The following YEATS2 variants were observed in gnomAD, a reference collection of about 807,000 sequenced individuals.
YEATS2 encodes YEATS domain-containing protein 2.
A neutral mutation model predicts 163.2 loss-of-function variants in YEATS2; 77 were observed. The observed-to-expected ratio is 0.47, with a 90% CI of 0.39 to 0.57. The LOEUF is 0.57. Ranked by LOEUF, YEATS2 falls within the 20% of genes least tolerant of loss-of-function variation. YEATS2 has a pLI of 0.00. For missense variants in YEATS2, 1,549 were observed against 1,729.8 expected (o/e 0.90, Z 1.85); for synonymous variants, 631 against 645.1 (o/e 0.98, Z 0.33).
At chr3:183,789,481 A>T (rs1263571439) in intron 20 of YEATS2, among the ~76,000 whole-genome samples, 1 of 133,962 alleles carries the variant, frequency 7.5e-6, no homozygotes, top group East Asian at 2.3e-4. Context: ...TCTAAGTTTT[A>T]TACATTTAGC....
intron 4 of YEATS2, among the ~76,000 whole-genome samples, chr3:183,719,996 TG>T (rs1716328728): frequency 6.6e-6 from 1 of 152,250 alleles, no homozygotes; most frequent in Non-Finnish European, 1.5e-5. Context: ...TTTTTCATCC[TG>T]TTTTCTTGTA....
chr3:183,797,725 A>G (rs927482399), intron 21 of YEATS2, among the ~76,000 whole-genome samples, 198 bp from the exon 22 acceptor site: 4 of 152,170 alleles, frequency 2.6e-5, no homozygotes, highest in African/African-American at 7.2e-5. Context: ...CAAAAAGTAA[A>G]TAAACAATTA....
At chr3:183,791,752 T>C (rs1441853192) in intron 21 of YEATS2, among the ~76,000 whole-genome samples, 1 of 152,248 alleles carries the variant, frequency 6.6e-6, no homozygotes, top group Non-Finnish European at 1.5e-5. Context: ...GTTATTATCT[T>C]GGCTAGTGTT....
intron 7 of YEATS2, among the ~76,000 whole-genome samples, chr3:183,730,052 G>GTTTGTTTTTTTTTTTTTT (rs1560244258): frequency 1.2e-4 from 5 of 41,720 alleles, no homozygotes; most frequent in African/African-American, 1.6e-4. Flanking sequence ...TTTTTTGTTT[G>GTTTGTTTTTTTTTTTTTT]TTTTTTTTTT....
intron 20 of YEATS2, 57 bp from the exon 21 acceptor site, chr3:183,790,740 A>G: frequency 6.3e-7 from 1 of 1,577,570 alleles, no homozygotes; most frequent in South Asian, 1.1e-5. Flanking sequence ...CACCGCCGTC[A>G]GTCATCACTC....
chr3:183,726,837 T>TGTTGCCCAGGTTG (rs1252398480), intron 6 of YEATS2, among the ~76,000 whole-genome samples: 3 of 152,216 alleles, frequency 2.0e-5, no homozygotes, highest in Non-Finnish European at 2.9e-5. Context: ...GTTTTACTCT[T>TGTTGCCCAGGTTG]GTTGCCCAGG....
In YEATS2 at chr3:183,809,738, A is replaced by C. The variant is rs1577239980; in HGVS notation, c.4160+568A>C. Among the ~76,000 whole-genome samples, 3 of 152,314 alleles carry C rather than the reference A, an allele frequency of 2.0e-5. No individual in the cohort carries two copies. The South Asian group carries it at 6.2e-4, about 32-fold the overall frequency. ...TTTCAGTCTGTTCCTAGGCCCTGAA[A>C]GGATGGTAGATAGGCCACATCTGCT... is the stretch of plus-strand genomic sequence containing the variant. On this transcript the variant is annotated intron_variant, in intron 30 of 30. Coordinates refer to ENST00000305135, the MANE Select transcript of YEATS2 (RefSeq NM_018023.5).
intron 1 of YEATS2, among the ~76,000 whole-genome samples, chr3:183,701,421 C>T (rs1194521547): frequency 6.6e-6 from 1 of 151,954 alleles, no homozygotes; most frequent in African/African-American, 2.4e-5. Flanking sequence ...GGGTCTGTCT[C>T]TGTCGCCCAG....
chr3:183,763,810 A>G (rs1293182211), intron 15 of YEATS2, among the ~76,000 whole-genome samples: 2 of 152,054 alleles, frequency 1.3e-5, no homozygotes. Context: ...CACACCTGTG[A>G]GCCACCTAAC....
intron 19 of YEATS2, among the ~76,000 whole-genome samples, chr3:183,779,432 C>T (rs1363971397): frequency 1.3e-5 from 2 of 152,216 alleles, no homozygotes; most frequent in African/African-American, 4.8e-5. Context: ...GCTTGTGTTG[C>T]AGCAGTGCAC....
At chr3:183,741,843 C>T (rs1719005010) in intron 8 of YEATS2, among the ~76,000 whole-genome samples, 1 of 152,090 alleles carries the variant, frequency 6.6e-6, no homozygotes, top group Non-Finnish European at 1.5e-5. Context: ...TTCATGCCTG[C>T]TAACACAATA....
At position 183,752,867 on chromosome 3, in the gene YEATS2, G is replaced by A. The variant is rs13325577; in HGVS notation, c.1150+614G>A. Among the ~76,000 whole-genome samples, 4 of 150,950 alleles carry A rather than the reference G, an allele frequency of 2.6e-5. No individual in the cohort carries two copies. In the South Asian group the frequency reaches 6.3e-4, roughly 24 times the overall value. On this transcript the variant is annotated intron_variant, in intron 10 of 30. Transcript: ENST00000305135. The stretch of plus-strand genomic sequence containing the variant: ...GGCTGGAGTGCAGTGGCATGATCTC[G>A]CCTCACTGCAACCTCCACCTCCTGG...
chr3:183,735,017 T>C (rs192887062), intron 7 of YEATS2, among the ~76,000 whole-genome samples: 75 of 152,318 alleles, frequency 4.9e-4, no homozygotes, highest in African/African-American at 8.2e-4. Flanking sequence ...TCTAAAAATA[T>C]GGTTATGGAG....
chr3:183,809,490 A>G (rs957417754), intron 30 of YEATS2: 2 of 209,568 alleles, frequency 9.5e-6, no homozygotes, highest in Non-Finnish European at 1.9e-5. Context: ...CATGTCAGAC[A>G]CGAGGGCCAA....
intron 28 of YEATS2, 68 bp from the exon 29 acceptor site, chr3:183,807,962 T>G: frequency 7.5e-7 from 1 of 1,336,270 alleles, no homozygotes; most frequent in South Asian, 1.3e-5. Flanking sequence ...CAGGGAGGTA[T>G]GCTTGTTTGG....
rs551397339 is a variant in YEATS2 at position 183,728,120 on chromosome 3, A to G, written c.651-570A>G. 2.6e-4 allele frequency among the ~76,000 whole-genome samples: 39 copies of G among 152,176 alleles called. No homozygotes were observed. In the East Asian group the frequency reaches 3.5e-3, roughly 14 times the overall value. ...TGCTTTGTCACCTAGACTGAAGTAC[A>G]GTGATGTGATTGTAGCTCACTTTAG... On this transcript the variant is annotated intron_variant, in intron 6 of 30. Coordinates refer to ENST00000305135, the MANE Select transcript of YEATS2 (RefSeq NM_018023.5).
At chr3:183,715,115 A>C in intron 1 of YEATS2, 29 bp from the exon 2 acceptor site, 1 of 1,424,156 alleles carries the variant, frequency 7.0e-7, no homozygotes, top group Non-Finnish European at 9.8e-7. Context: ...TGAATAATTA[A>C]AAATTATTAA....
At chr3:183,802,845 G>A (rs910698976) in intron 25 of YEATS2, 9 of 156,588 alleles carry the variant, frequency 5.7e-5, no homozygotes, top group Admixed American at 2.6e-4. Flanking sequence ...CAGGAGAATC[G>A]CTTGAACCTG....
At chr3:183,802,535 G>GTATATATATATATATATACACGTA (rs11276625) in intron 25 of YEATS2, 1 of 142,310 alleles carries the variant, frequency 7.0e-6, no homozygotes, top group African/African-American at 2.7e-5. Context: ...ATATACACGT[G>GTATATATATATATATATACACGTA]TATATACACA....
Sources: allele counts gnomAD v4.1 joint callset (sites outside exome capture counted in the v4.1 genomes callset), GRCh38; gene constraint gnomAD v4.1.1; transcripts MANE v1.5; gene names NCBI Gene and HGNC (gene_info 2026-07-23, HGNC 2026-07-21).